Variants in ZDHHC11B observed in about 807,000 individuals in gnomAD.
ZDHHC11B encodes the protein probable palmitoyltransferase ZDHHC11B.
Under a neutral mutation model 42.3 loss-of-function variants are expected in ZDHHC11B, and 17 were observed. That is an observed-to-expected ratio of 0.40 (90% CI 0.27 to 0.60). ZDHHC11B has a LOEUF of 0.60. Ranked by LOEUF, ZDHHC11B falls within the 20% of genes least tolerant of loss-of-function variation. ZDHHC11B has a pLI of 0.41. For missense variants in ZDHHC11B, 262 were observed against 463.2 expected, an observed-to-expected ratio of 0.57 and a Z score of 3.99; for synonymous variants, 123 against 193.5, an observed-to-expected ratio of 0.64 and a Z score of 3.02.
chr5:765,442 G>C (rs1333999633), intron 4 of ZDHHC11B, among the ~76,000 whole-genome samples: 7 of 151,892 alleles, frequency 4.6e-5, no homozygotes, highest in Non-Finnish European at 1.0e-4. Context: ...TCTAGCTTAG[G>C]GGTTGTAAAC....
chr5:754,861 G>A (rs1292438552), intron 6 of ZDHHC11B, 137 bp downstream of exon 6: 6 of 306,884 alleles, frequency 2.0e-5, no homozygotes, highest in Admixed American at 1.8e-4. Context: ...GGCACCAAGC[G>A]CCACCACATC....
At chr5:722,030 AGTT>A (rs1187322928) in intron 12 of ZDHHC11B, among the ~76,000 whole-genome samples, 1 of 151,736 alleles carries the variant, frequency 6.6e-6, no homozygotes, top group African/African-American at 2.4e-5. Context: ...GGAAGAATGA[AGTT>A]AGATCTCTAC....
intron 1 of ZDHHC11B, among the ~76,000 whole-genome samples, chr5:783,608 C>T (rs1737017932): frequency 6.6e-6 from 1 of 151,416 alleles, no homozygotes; most frequent in African/African-American, 2.5e-5. Context: ...ACGCAACACC[C>T]CATCAAAACA....
chr5:740,647 A>G (rs1409802410), intron 10 of ZDHHC11B, among the ~76,000 whole-genome samples: 2 of 146,988 alleles, frequency 1.4e-5, no homozygotes, highest in East Asian at 4.3e-4. Flanking sequence ...GTATTGGAGG[A>G]TATTTGTATA....
chr5:762,358 T>C (rs1350406561), intron 4 of ZDHHC11B, among the ~76,000 whole-genome samples: 1 of 151,880 alleles, frequency 6.6e-6, no homozygotes, highest in Non-Finnish European at 1.5e-5. Flanking sequence ...TGCAGCAAGA[T>C]AGCGCCCAGG....
rs1741277576 is a variant in ZDHHC11B, at chr5:710,535, T to G, written c.*1755A>C. The stretch of plus-strand genomic sequence containing the variant: ...TAGACTGAAAAACTCAGAATCCAGG[T>G]CTGGGGTTTCTCAGTACTATGCTCC... On this transcript the variant is annotated 3_prime_UTR_variant, in exon 14 of 14. Transcript: ENST00000508859. The G allele has an allele frequency of 6.9e-6, 1 of 145,170 alleles. No homozygotes were observed. The highest frequency in any genetic ancestry group is 2.7e-5 in the African/African-American group (1 of 37,280). The allele number at this position is 145,170 out of a possible 1,614,324, so 9.0% of individuals were successfully genotyped here.
At chr5:767,000 G>A in intron 3 of ZDHHC11B, 81 bp from the exon 4 acceptor site, 2 of 1,495,004 alleles carry the variant, frequency 1.3e-6, no homozygotes. Context: ...AGACCACGGG[G>A]ACTGGGAACA....
chr5:720,365 G>C (rs1414657739), intron 12 of ZDHHC11B, among the ~76,000 whole-genome samples: 2 of 151,780 alleles, frequency 1.3e-5, no homozygotes, highest in Non-Finnish European at 2.9e-5. Flanking sequence ...GCAGTGGGGT[G>C]ACATATTTAA....
intron 4 of ZDHHC11B, among the ~76,000 whole-genome samples, chr5:763,292 C>T (rs1734853742): frequency 6.6e-6 from 1 of 151,020 alleles, no homozygotes; most frequent in Non-Finnish European, 1.5e-5. Flanking sequence ...TTGTTTGAAC[C>T]CAGGAGGCAG....
At chr5:731,617 T>C (rs387476) in intron 11 of ZDHHC11B, among the ~76,000 whole-genome samples, 4,073 of 143,136 alleles carry the variant, frequency 0.028, 156 homozygotes, top group African/African-American at 0.11. Flanking sequence ...TGGATAAAAG[T>C]ATATGACTTG....
At chr5:773,314 C>A (rs1736206664) in intron 1 of ZDHHC11B, among the ~76,000 whole-genome samples, 1 of 151,826 alleles carries the variant, frequency 6.6e-6, no homozygotes, top group African/African-American at 2.4e-5. Context: ...GCCCTGGGTG[C>A]AGACCCTCAC....
At position 711,866 on chromosome 5, in the gene ZDHHC11B, GTACTATGCTCCCA is replaced by G. The variant is rs1741407974; in HGVS notation, c.*411_*423del. The G allele has an allele frequency of 8.0e-6, 1 of 125,130 alleles. No individual in the cohort carries two copies. Among genetic ancestry groups the G allele is most frequent in the Non-Finnish European group, 1.8e-5 (1 of 55,902 alleles). 7.8% of individuals were successfully genotyped at this position (125,130 alleles called of 1,614,324 possible). ...CTCAGTACTGTGCTCCCATTTCCCAGTACTATGCTCCCATTTCCCAGTACTGTGCTCACAGGTG... is the reference window on the plus strand; with the variant it reads ...CTCAGTACTGTGCTCCCATTTCCCAGTTTCCCAGTACTGTGCTCACAGGTG... On this transcript the variant is annotated 3_prime_UTR_variant, in exon 14 of 14. Coordinates refer to ENST00000508859, the MANE Select transcript of ZDHHC11B (RefSeq NM_001351303.2).
intron 4 of ZDHHC11B, 46 bp downstream of exon 4, chr5:766,652 T>G (rs1735429617): frequency 6.4e-7 from 1 of 1,552,752 alleles, no homozygotes; most frequent in African/African-American, 1.4e-5. Context: ...CGCAGGGTCC[T>G]CCAGGAACCC....
At chr5:733,950 T>A in intron 10 of ZDHHC11B, 111 bp from the exon 11 acceptor site, 2 of 990,172 alleles carry the variant, frequency 2.0e-6, no homozygotes, top group Non-Finnish European at 3.0e-6. Flanking sequence ...GGGGCACACA[T>A]GTCTCAAAAA....
At chr5:733,462 C>T (rs1743211415) in intron 11 of ZDHHC11B, among the ~76,000 whole-genome samples, 1 of 151,646 alleles carries the variant, frequency 6.6e-6, no homozygotes, top group Non-Finnish European at 1.5e-5. Flanking sequence ...CACTTCAGAC[C>T]CTGCCCTGGG....
chr5:718,474 A>C (rs370743549), intron 12 of ZDHHC11B, among the ~76,000 whole-genome samples: 28 of 151,666 alleles, frequency 1.8e-4, no homozygotes, highest in Non-Finnish European at 3.1e-4. Context: ...GAGATCGAGA[A>C]CATCCTGGCT....
At chr5:778,784 G>A (rs1335284812) in intron 1 of ZDHHC11B, among the ~76,000 whole-genome samples, 1 of 151,828 alleles carries the variant, frequency 6.6e-6, no homozygotes, top group Non-Finnish European at 1.5e-5. Context: ...AGGCAGAAGA[G>A]AAGACACAGA....
At chr5:726,589 A>C (rs1742626858) in intron 12 of ZDHHC11B, among the ~76,000 whole-genome samples, 1 of 122,272 alleles carries the variant, frequency 8.2e-6, no homozygotes, top group South Asian at 2.5e-4. Context: ...TTAACGCAAC[A>C]ATGTAGAGTT....
intron 1 of ZDHHC11B, among the ~76,000 whole-genome samples, chr5:776,888 C>A (rs561142706): frequency 6.6e-6 from 1 of 151,890 alleles, no homozygotes; most frequent in East Asian, 1.9e-4. Context: ...CATCGCACGG[C>A]CCTCCTGCTC....
Sources: allele counts gnomAD v4.1 joint callset (sites outside exome capture counted in the v4.1 genomes callset), GRCh38; gene constraint gnomAD v4.1.1; transcripts MANE v1.5; gene names NCBI Gene and HGNC (gene_info 2026-07-23, HGNC 2026-07-21).